KLHL38: variants seen among roughly 807,000 people sequenced by gnomAD.
KLHL38 encodes kelch-like protein 38.
KLHL38 carries 38 observed loss-of-function variants against 39.6 expected under a neutral mutation model. The observed-to-expected ratio is 0.96, with a 90% CI of 0.74 to 1.26. The LOEUF (loss-of-function observed/expected upper bound fraction) is 1.26. KLHL38 is among the 50% of genes most tolerant of loss of function. The probability of loss-of-function intolerance (pLI) is 0.00; values close to 1 mark genes in which losing one functional copy is unlikely to be tolerated. For missense variants in KLHL38, 803 were observed against 748.1 expected, an observed-to-expected ratio of 1.07 and a Z score of -0.86; for synonymous variants, 322 against 302.2, an observed-to-expected ratio of 1.07 and a Z score of -0.68.
At position 123,645,903 on chromosome 8, in the gene KLHL38, C is replaced by A; in HGVS notation, c.1582G>T (p.Gly528Trp). 6.2e-7 allele frequency: 1 copy of A among 1,614,040 alleles called. No homozygotes were observed. The highest frequency in any genetic ancestry group is 8.5e-7 in the Non-Finnish European group (1 of 1,179,988). ...VMGNKLYVTG[G>W]RRLTTDCNIE... ...TTGCAGTCCGTGGTCAGCCGCCGCC[C>A]GCCCGTCACGTAGAGTTTGTTTCCC... Residue 528 changes from glycine (G) to tryptophan (W), a missense_variant, in exon 4 of 4, where the codon GGG (glycine) becomes TGG (tryptophan). Coordinates refer to ENST00000684634, the MANE Select transcript of KLHL38 (RefSeq NM_001081675.3).
rs768165532 is a variant in KLHL38, at chr8:123,651,991, C to T, written c.936G>A (p.Trp312Ter). 3.1e-6 allele frequency: 5 copies of T among 1,614,230 alleles called. No homozygotes were observed. Among genetic ancestry groups the T allele is most frequent in the African/African-American group, 1.3e-5 (1 of 75,056 alleles). The change falls in exon 2 of 4, where the codon TGG becomes TGA. Residue 312 changes from tryptophan (W) to a stop codon, truncating the protein, a stop_gained. Coordinates refer to ENST00000684634, the MANE Select transcript of KLHL38 (RefSeq NM_001081675.3). LOFTEE classifies it high-confidence loss of function. ...GTGTCGGGAGTTTGGCAAGGCTCTG[C>T]CATTGGCCGGTCTGTTTGCTGTACA... Reference protein sequence around the residue: ...VLLYSKQTGQWQSLAKLPTRL... With the variant: ...VLLYSKQTGQ
In KLHL38 at chr8:123,645,714, T is replaced by A; in HGVS notation, c.*25A>T. Reference sequence around the variant, plus strand: ...CCCTGGCGACAGAAGGCATTTTGACTAGGGCAGAAGGTTTCTTGTCGACCT... The same window carrying A: ...CCCTGGCGACAGAAGGCATTTTGACAAGGGCAGAAGGTTTCTTGTCGACCT... On this transcript the variant is annotated 3_prime_UTR_variant, in exon 4 of 4. Transcript: ENST00000684634. 6.2e-7 allele frequency: 1 copy of A among 1,607,486 alleles called. No homozygotes were observed. Among genetic ancestry groups the A allele is most frequent in the Non-Finnish European group, 8.5e-7 (1 of 1,175,312 alleles).
At chr8:123,651,104 A>T (rs1303676969) in intron 2 of KLHL38, among the ~76,000 whole-genome samples, 1 of 152,322 alleles carries the variant, frequency 6.6e-6, no homozygotes, top group Middle Eastern at 3.4e-3. Flanking sequence ...ATAAATTGAA[A>T]AATATCTTGC....
chr8:123,651,726 T>A lies in KLHL38; in HGVS notation c.1201A>T (p.Met401Leu). Residue 401 changes from methionine to leucine, a missense_variant, in exon 2 of 4, where the codon ATG (methionine) becomes TTG (leucine). Physicochemically the swap from Met to Leu is conservative, Grantham distance 15. Coordinates refer to ENST00000684634, the MANE Select transcript of KLHL38 (RefSeq NM_001081675.3). ...IGEGQELMGS[M>L]ERYDSICNVW... ...TTGCAGATGCTGTCATACCTTTCCATGGAGCCCATGAGCTCCTGCCCTTCT... is the reference window on the plus strand; with the variant it reads ...TTGCAGATGCTGTCATACCTTTCCAAGGAGCCCATGAGCTCCTGCCCTTCT... 1.2e-6 allele frequency: 2 copies of A among 1,614,210 alleles called. No individual in the cohort carries two copies. Among genetic ancestry groups the A allele is most frequent in the Admixed American group, 1.7e-5 (1 of 60,030 alleles).
Position 123,645,473 on chromosome 8 carries a change from GAGAGAGAC to G in KLHL38, c.*258_*265del, listed in dbSNP as rs1326255514. ...AAAGAGAGAGAGAGAGAGAGAGAGA[GAGAGAGAC>G]AGACAGAGATAGGGGAGAGAAAGAA... On this transcript the variant is annotated 3_prime_UTR_variant, in exon 4 of 4. Transcript: ENST00000684634. 1.1e-4 allele frequency: 56 copies of G among 499,038 alleles called. No homozygotes were observed. Among genetic ancestry groups the G allele is most frequent in the African/African-American group, 9.9e-4 (48 of 48,600 alleles). 30.9% of individuals were successfully genotyped at this position (499,038 alleles called of 1,614,324 possible). A position where few individuals can be genotyped will look rare whatever the true frequency, so the allele number is the denominator to read the frequency against.
rs374414250 is a variant in KLHL38 at position 123,645,449 on chromosome 8, AAGAGAGAG to A, written c.*282_*289del. The A allele has an allele frequency of 5.1e-4, 167 of 325,308 alleles. No homozygotes were observed. The highest frequency in any genetic ancestry group is 1.8e-3 in the African/African-American group (73 of 40,194). 20.2% of individuals were successfully genotyped at this position (325,308 alleles called of 1,614,324 possible). On this transcript the variant is annotated 3_prime_UTR_variant, in exon 4 of 4. Coordinates refer to ENST00000684634, the MANE Select transcript of KLHL38 (RefSeq NM_001081675.3). ...GAAACTCCATCTCAAAAAAAAGAAA[AAGAGAGAG>A]AGAGAGAGAGAGAGAGAGAGAGACA...
rs763394291 is a variant in KLHL38 at position 123,651,737 on chromosome 8, A to T, written c.1190T>A (p.Leu397His). ...GTCATACCTTTCCATGGAGCCCATG[A>T]GCTCCTGCCCTTCTCCAATCCCCCC... ...SIGGIGEGQE[L>H]MGSMERYDSI... Residue 397 changes from leucine (L) to histidine (H), a missense_variant, in exon 2 of 4, where the codon CTC becomes CAC. Transcript: ENST00000684634. 26 of 1,614,060 alleles carry T rather than the reference A, an allele frequency of 1.6e-5. No homozygotes were observed. Among genetic ancestry groups the T allele is most frequent in the Middle Eastern group, 3.3e-4 (2 of 6,084 alleles).
At chr8:123,646,162 T>G in intron 3 of KLHL38, 134 bp from the exon 4 acceptor site, 2 of 794,032 alleles carry the variant, frequency 2.5e-6, no homozygotes, top group Non-Finnish European at 4.1e-6. Flanking sequence ...CGTGGGATGT[T>G]GAGCTAACCT....
rs1024425103 is a variant in KLHL38, at chr8:123,653,626, C to G, written c.-42G>C. Among the ~76,000 whole-genome samples, 9 of 152,228 alleles carry G rather than the reference C, an allele frequency of 5.9e-5. No homozygotes were observed. The highest frequency in any genetic ancestry group is 1.2e-4 in the Non-Finnish European group (8 of 68,028). Reference sequence around the variant, plus strand: ...TGACATCCACTGGTGCCTGGTCTGACTTATCCCCCCGGAGAGTTTCTACCT... The same window carrying G: ...TGACATCCACTGGTGCCTGGTCTGAGTTATCCCCCCGGAGAGTTTCTACCT... On this transcript the variant is annotated 5_prime_UTR_variant, in exon 1 of 4. Transcript: ENST00000684634.
At position 123,652,282 on chromosome 8, in the gene KLHL38, C is replaced by T. The variant is rs746593905; in HGVS notation, c.645G>A (p.Met215Ile). The T allele has an allele frequency of 6.2e-7, 1 of 1,614,042 alleles. No individual in the cohort carries two copies. Residue 215 changes from methionine (M) to isoleucine (I), a missense_variant, in exon 2 of 4, where the codon ATG (methionine) becomes ATA (isoleucine). Coordinates refer to ENST00000684634, the MANE Select transcript of KLHL38 (RefSeq NM_001081675.3). ...KHDLQARKRYMQELFKQVRLQ... is the reference protein window; with the variant it reads ...KHDLQARKRYIQELFKQVRLQ... ...GCCTGACCTGCTTGAACAGTTCCTG[C>T]ATGTATCGCTTCCGGGCCTGGAGGT...
At position 123,652,251 on chromosome 8, in the gene KLHL38, A is replaced by G; in HGVS notation, c.676T>C (p.Tyr226His). 6.2e-7 allele frequency: 1 copy of G among 1,614,066 alleles called. No homozygotes were observed. The highest frequency in any genetic ancestry group is 2.2e-5 in the East Asian group (1 of 44,882). ...TGGTGAAAGAAGGCTGGGTGGATGT[A>G]CTGCAGCCTGACCTGCTTGAACAGT... is the stretch of plus-strand genomic sequence containing the variant. ...QELFKQVRLQ[Y>H]IHPAFFHHFI... is the part of the protein sequence containing the mutation. The change falls in exon 2 of 4, where the codon TAC (tyrosine) becomes CAC (histidine). Residue 226 changes from tyrosine to histidine, a missense_variant. Physicochemically the swap from Tyr to His is moderately conservative, Grantham distance 83 (BLOSUM62 2). Coordinates refer to ENST00000684634, the MANE Select transcript of KLHL38 (RefSeq NM_001081675.3).
In KLHL38 at chr8:123,652,657, G is replaced by A; in HGVS notation, c.270C>T (p.Ser90=). ...IDPPTLDQIV[S]YVYTGEAHIA... ...TATGTGCCTCCCCCGTATACACGTA[G>A]GAGACGATCTGGTCCAGGGTTGGGG... The change falls in exon 2 of 4, where the codon TCC becomes TCT. Residue 90 remains serine (S), a synonymous_variant. Transcript: ENST00000684634. 6.2e-7 allele frequency: 1 copy of A among 1,614,204 alleles called. No homozygotes were observed. The highest frequency in any genetic ancestry group is 8.5e-7 in the Non-Finnish European group (1 of 1,180,042).
rs774187686 is a variant in KLHL38 at position 123,652,819 on chromosome 8, C to G, written c.108G>C (p.Val36=). ...SLRQSRILTD[V]SICAGAREIP... ...TCTCCCGGGCACCGGCACAGATGCT[C>G]ACATCAGTCAGGATCCTGCTTTGCC... is the stretch of plus-strand genomic sequence containing the variant. Residue 36 remains valine (V), a synonymous_variant, in exon 2 of 4, where the codon GTG becomes GTC. Coordinates refer to ENST00000684634, the MANE Select transcript of KLHL38 (RefSeq NM_001081675.3). The G allele has an allele frequency of 3.1e-6, 5 of 1,613,166 alleles. No individual in the cohort carries two copies. In the South Asian group the frequency reaches 4.4e-5, roughly 14 times the overall value.
At position 123,646,016 on chromosome 8, in the gene KLHL38, C is replaced by T. The variant is rs1818660254; in HGVS notation, c.1469G>A (p.Arg490Lys). 2 of 1,613,908 alleles carry T rather than the reference C, an allele frequency of 1.2e-6. No individual in the cohort carries two copies. The highest frequency in any genetic ancestry group is 2.7e-5 in the African/African-American group (2 of 74,912). Reference protein sequence around the residue: ...RIVIVGGYTRRILAYDPQSNK... With the variant: ...RIVIVGGYTRKILAYDPQSNK... ...GGATTGAGGGTCATAAGCAAGAATC[C>T]TCCTTGTGTAACCTGAAAACCAAAT... Residue 490 changes from arginine (R) to lysine (K), a missense_variant, in exon 4 of 4, where the codon AGG becomes AAG. By Grantham distance (26) the Arg-to-Lys change is conservative. Transcript: ENST00000684634.
In KLHL38 at chr8:123,646,115, C is replaced by T; in HGVS notation, c.1457-87G>A. 2.5e-6 allele frequency: 3 copies of T among 1,211,958 alleles called. No individual in the cohort carries two copies. The Admixed American group carries it at 5.4e-5, about 22-fold the overall frequency. The allele number at this position is 1,211,958 out of a possible 1,614,324, so 75.1% of individuals were successfully genotyped here. A position where few individuals can be genotyped will look rare whatever the true frequency, so the allele number is the denominator to read the frequency against. ...GTCCTGGGACGCGTCTGACTCCTGCCACTGCGTAAGGCTGAGGCTGGGGCT... is the reference window on the plus strand; with the variant it reads ...GTCCTGGGACGCGTCTGACTCCTGCTACTGCGTAAGGCTGAGGCTGGGGCT... On this transcript the variant is annotated intron_variant, in intron 3 of 3. Coordinates refer to ENST00000684634, the MANE Select transcript of KLHL38 (RefSeq NM_001081675.3).
intron 2 of KLHL38, among the ~76,000 whole-genome samples, chr8:123,648,071 A>G (rs962792976): frequency 4.6e-5 from 7 of 152,140 alleles, no homozygotes; most frequent in African/African-American, 1.7e-4. Context: ...ACAGAGCGAA[A>G]CTCCTTCTCA....
rs568580672 is a variant in KLHL38, at chr8:123,645,614, C to A, written c.*125G>T. On this transcript the variant is annotated 3_prime_UTR_variant, in exon 4 of 4. Transcript: ENST00000684634. ...ATGCAATGCCTAGTTCCAGGCCTCC[C>A]GACTCTGGTACCTCAGTCTTGTGAG... 6 of 1,046,924 alleles carry A rather than the reference C, an allele frequency of 5.7e-6. No homozygotes were observed. In the African/African-American group the frequency reaches 8.0e-5, roughly 14 times the overall value. 64.9% of individuals were successfully genotyped at this position (1,046,924 alleles called of 1,614,324 possible).
chr8:123,645,718 G>C lies in KLHL38; in HGVS notation c.*21C>G, dbSNP rs780884064. On this transcript the variant is annotated 3_prime_UTR_variant, in exon 4 of 4. Coordinates refer to ENST00000684634, the MANE Select transcript of KLHL38 (RefSeq NM_001081675.3). ...GGCGACAGAAGGCATTTTGACTAGG[G>C]CAGAAGGTTTCTTGTCGACCTCATG... 9 of 1,610,572 alleles carry C rather than the reference G, an allele frequency of 5.6e-6. No individual in the cohort carries two copies. The highest frequency in any genetic ancestry group is 2.2e-5 in the South Asian group (2 of 90,966).
intron 3 of KLHL38, among the ~76,000 whole-genome samples, chr8:123,646,253 A>T (rs531670847): frequency 6.6e-6 from 1 of 152,260 alleles, no homozygotes; most frequent in Non-Finnish European, 1.5e-5. Context: ...TTAAGGCAGC[A>T]TATAAGCCAT....
Sources: allele counts gnomAD v4.1 joint callset (sites outside exome capture counted in the v4.1 genomes callset), GRCh38; gene constraint gnomAD v4.1.1; transcripts MANE v1.5; gene names NCBI Gene and HGNC (gene_info 2026-07-23, HGNC 2026-07-21).